The following SLC2A9 variants were observed in gnomAD, a reference collection of about 807,000 sequenced individuals.
The protein encoded by SLC2A9 is solute carrier family 2, facilitated glucose transporter member 9.
In SLC2A9, 39 loss-of-function variants were observed where a neutral mutation model predicts 50.6. The ratio of observed to expected loss-of-function variants is 0.77; its 90% CI spans 0.60 to 1.01. The LOEUF is 1.01. Ranked by LOEUF, SLC2A9 falls within the 50% of genes least tolerant of loss-of-function variation. The pLI, the probability that SLC2A9 is intolerant of heterozygous loss-of-function variation, is 0.00. For synonymous variants in SLC2A9, 324 were observed against 276.9 expected (o/e 1.17, Z -1.69); for missense variants, 686 against 677.6 (o/e 1.01, Z -0.14).
At chr4:9,998,860 C>T (rs1759252755) in intron 2 of SLC2A9, among the ~76,000 whole-genome samples, 1 of 152,156 alleles carries the variant, frequency 6.6e-6, no homozygotes, top group East Asian at 1.9e-4. Flanking sequence ...ATGGGAAAAC[C>T]TGGCAAAAAT....
intron 3 of SLC2A9, among the ~76,000 whole-genome samples, chr4:9,814,280 T>A (rs954951101): frequency 6.6e-6 from 1 of 152,262 alleles, no homozygotes; most frequent in Non-Finnish European, 1.5e-5. Context: ...AAGGTAGGTA[T>A]TTGTTTCAGC....
intron 5 of SLC2A9, among the ~76,000 whole-genome samples, chr4:9,955,610 G>A (rs1043401448): frequency 6.6e-6 from 1 of 151,512 alleles, no homozygotes; most frequent in Non-Finnish European, 1.5e-5. Flanking sequence ...CATTCCTGCT[G>A]TAACGCTTTT....
chr4:9,887,697 C>G (rs919303350), intron 9 of SLC2A9, 55 bp from the exon 10 acceptor site: 6 of 1,372,604 alleles, frequency 4.4e-6, no homozygotes, highest in Middle Eastern at 1.9e-4. Context: ...ACCGGAGGAC[C>G]TGAGTTCCCA....
At chr4:9,786,305 G>C (rs1295936610) in intron 3 of SLC2A9, among the ~76,000 whole-genome samples, 1 of 152,202 alleles carries the variant, frequency 6.6e-6, no homozygotes, top group Non-Finnish European at 1.5e-5. Flanking sequence ...TGGTCACAGA[G>C]CTCCTGAGTG....
chr4:9,972,270 C>T (rs6449201), intron 5 of SLC2A9, among the ~76,000 whole-genome samples: 71,989 of 151,984 alleles, frequency 0.47, 18,167 homozygotes, highest in African/African-American at 0.64. Flanking sequence ...CGTTCCTTTA[C>T]GGCCTCACAT....
intron 6 of SLC2A9, among the ~76,000 whole-genome samples, chr4:9,933,693 T>C (rs1746552427): frequency 6.6e-6 from 1 of 152,194 alleles, no homozygotes; most frequent in Non-Finnish European, 1.5e-5. Flanking sequence ...CAATGGAGAT[T>C]TATCATCTTC....
intron 6 of SLC2A9, among the ~76,000 whole-genome samples, chr4:9,939,265 T>G (rs1225827148): frequency 6.6e-6 from 1 of 152,076 alleles, no homozygotes; most frequent in East Asian, 1.9e-4. Flanking sequence ...CCAAGAAAGA[T>G]TTTAAGGTCA....
intron 5 of SLC2A9, among the ~76,000 whole-genome samples, chr4:9,958,337 T>C (rs1751660100): frequency 6.6e-6 from 1 of 152,184 alleles, no homozygotes; most frequent in Admixed American, 6.5e-5. Flanking sequence ...TTCATGTACT[T>C]TGCAGGGACA....
intron 10 of SLC2A9, 53 bp from the exon 11 acceptor site, chr4:9,835,061 T>A: frequency 6.2e-7 from 1 of 1,611,436 alleles, no homozygotes; most frequent in South Asian, 1.1e-5. Context: ...AGGTCATGCC[T>A]CCAGCATCCA....
chr4:9,772,635 C>T (rs1716975161), intron 1 of SLC2A9, among the ~76,000 whole-genome samples: 1 of 152,206 alleles, frequency 6.6e-6, no homozygotes, highest in South Asian at 2.1e-4. Flanking sequence ...TCCCAGCTGA[C>T]TGCAAATTAT....
chr4:9,799,347 A>C (rs1016211660), intron 3 of SLC2A9: 2 of 152,234 alleles, frequency 1.3e-5, no homozygotes, highest in Non-Finnish European at 2.9e-5. Flanking sequence ...TCTAAGATCA[A>C]GGCATCTGCA....
At chr4:9,801,397 A>G (rs1721384714) in intron 3 of SLC2A9, among the ~76,000 whole-genome samples, 1 of 152,210 alleles carries the variant, frequency 6.6e-6, no homozygotes, top group African/African-American at 2.4e-5. Context: ...CTAACTGAGG[A>G]TAATTATAAC....
At chr4:10,018,585 T>TAGATAGATAGAC (rs1763041837) in intron 2 of SLC2A9, among the ~76,000 whole-genome samples, 1 of 148,850 alleles carries the variant, frequency 6.7e-6, no homozygotes, top group South Asian at 2.1e-4. Flanking sequence ...GATAGATAGA[T>TAGATAGATAGAC]AGATAACAAC....
intron 5 of SLC2A9, among the ~76,000 whole-genome samples, chr4:9,961,217 G>C (rs1479763822): frequency 6.6e-6 from 1 of 151,910 alleles, no homozygotes; most frequent in Non-Finnish European, 1.5e-5. Flanking sequence ...GAGTGACCCA[G>C]CCAAAGCACA....
downstream of SLC2A9, among the ~76,000 whole-genome samples, chr4:9,797,135 A>G (rs1720686823): frequency 6.6e-6 from 1 of 152,256 alleles, no homozygotes; most frequent in Admixed American, 6.5e-5. Flanking sequence ...GATGAATCAC[A>G]TAGCAGCTCT....
downstream of SLC2A9, among the ~76,000 whole-genome samples, chr4:9,796,668 G>C (rs1213448427): frequency 3.9e-5 from 6 of 152,116 alleles, no homozygotes; most frequent in Non-Finnish European, 7.3e-5. Flanking sequence ...CATTTCCATA[G>C]GTCAGCTGTG....
intron 10 of SLC2A9, among the ~76,000 whole-genome samples, chr4:9,843,365 C>T (rs1728409723): frequency 6.6e-6 from 1 of 152,090 alleles, no homozygotes; most frequent in Non-Finnish European, 1.5e-5. Context: ...CACCTAAGTA[C>T]TAGTTTCAGG....
intron 8 of SLC2A9, among the ~76,000 whole-genome samples, chr4:9,893,539 G>C (rs9683763): frequency 6.6e-6 from 1 of 151,638 alleles, no homozygotes; most frequent in Non-Finnish European, 1.5e-5. Flanking sequence ...AGAGAGATAG[G>C]GGGAGGCAGA....
At chr4:9,805,627 G>A (rs1722013313) in intron 3 of SLC2A9, among the ~76,000 whole-genome samples, 1 of 151,542 alleles carries the variant, frequency 6.6e-6, no homozygotes, top group African/African-American at 2.4e-5. Flanking sequence ...CTTGAACCTG[G>A]AAGATGGAGG....
Sources: gnomAD v4.1 joint callset for allele counts (sites outside exome capture counted in the v4.1 genomes callset) on GRCh38, gnomAD v4.1.1 for gene constraint, MANE v1.5 for transcripts, NCBI Gene and HGNC (gene_info 2026-07-23, HGNC 2026-07-21) for gene names.